Variants in FAT4 observed in about 807,000 individuals in gnomAD.
FAT4 encodes protocadherin Fat 4.
In FAT4, 84 loss-of-function variants were observed where a neutral mutation model predicts 303.9. That is an observed-to-expected ratio of 0.28 (90% confidence interval 0.23 to 0.33). FAT4 has a LOEUF of 0.33. Among genes scored for constraint, FAT4 ranks in the 10% least tolerant of loss-of-function variants. FAT4 has a pLI of 1.00. For synonymous variants in FAT4, 2,307 were observed against 2,298.8 expected (o/e 1.00, Z -0.10); for missense variants, 6,005 against 6,146.8 (o/e 0.98, Z 0.77).
In FAT4 at chr4:125,318,279, A is replaced by G. The variant is rs1314545619; in HGVS notation, c.1868A>G (p.Gln623Arg). 1 of 1,614,202 alleles carries G rather than the reference A, an allele frequency of 6.2e-7. No individual in the cohort carries two copies. The highest frequency in any genetic ancestry group is 1.1e-5 in the South Asian group (1 of 91,080). ...GDNGTVRFSL[Q>R]EAETDRRSFR... ...AACGGAACAGTGCGCTTCTCCTTAC[A>G]AGAGGCAGAGACTGACCGGAGGTCC... Residue 623 changes from glutamine (Q) to arginine (R), a missense_variant, in exon 2 of 18, where the codon CAA (glutamine) becomes CGA (arginine). Coordinates refer to ENST00000394329, the MANE Select transcript of FAT4 (RefSeq NM_001291303.3).
intron 2 of FAT4, among the ~76,000 whole-genome samples, chr4:125,345,299 T>G (rs1459384423): frequency 6.6e-6 from 1 of 152,090 alleles, no homozygotes; most frequent in East Asian, 1.9e-4. Context: ...ACGAAAAATA[T>G]TGGACAATTA....
rs1220275998 is a variant in FAT4, at chr4:125,318,149, C to G, written c.1738C>G (p.Pro580Ala). 1 of 1,614,140 alleles carries G rather than the reference C, an allele frequency of 6.2e-7. No individual in the cohort carries two copies. Among genetic ancestry groups the G allele is most frequent in the Admixed American group, 1.7e-5 (1 of 60,022 alleles). The change falls in exon 2 of 18, where the codon CCA becomes GCA. Residue 580 changes from proline (P) to alanine (A), a missense_variant. Transcript: ENST00000394329. ...VTLLDVNDEK[P>A]VFSQPEGYDV... ...TCTCCTAGATGTGAATGATGAAAAG[C>G]CAGTATTTAGCCAGCCAGAAGGGTA...
At chr4:125,469,047 T>A (rs1237736533) in intron 12 of FAT4, among the ~76,000 whole-genome samples, 1 of 152,236 alleles carries the variant, frequency 6.6e-6, no homozygotes, top group East Asian at 1.9e-4. Flanking sequence ...TTCATTGATA[T>A]TTTTTGTATG....
chr4:125,349,723 T>C (rs1732148202), intron 2 of FAT4, among the ~76,000 whole-genome samples: 3 of 151,730 alleles, frequency 2.0e-5, no homozygotes, highest in African/African-American at 7.2e-5. Flanking sequence ...ATATTGTCAT[T>C]TTGCTTGACA....
chr4:125,323,827 C>T (rs577293894), intron 2 of FAT4, among the ~76,000 whole-genome samples: 2 of 152,148 alleles, frequency 1.3e-5, no homozygotes, highest in Non-Finnish European at 2.9e-5. Context: ...CTTTGTCCAG[C>T]GCATTTTAAA....
Position 125,452,125 on chromosome 4 carries a change from A to T in FAT4, c.11115A>T (p.Gly3705=), listed in dbSNP as rs1214597684. 1.2e-6 allele frequency: 2 copies of T among 1,613,968 alleles called. No homozygotes were observed. The highest frequency in any genetic ancestry group is 2.7e-5 in the African/African-American group (2 of 74,886). ...GCAACATCCGAGTTTTCTTTGCTGG[A>T]TTTTCCAATGCCACAGTGGATAACA... ...VTSNIRVFFA[G]FSNATVDNSI... The change falls in exon 10 of 18, where the codon GGA becomes GGT. Residue 3705 remains glycine, a synonymous_variant. Coordinates refer to ENST00000394329, the MANE Select transcript of FAT4 (RefSeq NM_001291303.3).
chr4:125,318,485 G>C lies in FAT4; in HGVS notation c.2074G>C (p.Val692Leu), dbSNP rs1385531926. 4.3e-6 allele frequency: 7 copies of C among 1,614,120 alleles called. No homozygotes were observed. The highest frequency in any genetic ancestry group is 5.9e-6 in the Non-Finnish European group (7 of 1,180,040). Residue 692 changes from valine to leucine, a missense_variant, in exon 2 of 18, where the codon GTC (valine) becomes CTC (leucine). By Grantham distance (32) the Val-to-Leu change is conservative. Coordinates refer to ENST00000394329, the MANE Select transcript of FAT4 (RefSeq NM_001291303.3). ...TGATAACAGCCCTGTCTTCTACCCG[G>C]TCCAATACTTTGCTCACATTAAGGA... is the stretch of plus-strand genomic sequence containing the variant. The part of the protein sequence containing the change: ...INDNSPVFYP[V>L]QYFAHIKENE...
At chr4:125,447,904 T>C (rs1025758003) in intron 9 of FAT4, among the ~76,000 whole-genome samples, 3 of 152,092 alleles carry the variant, frequency 2.0e-5, no homozygotes, top group Non-Finnish European at 2.9e-5. Flanking sequence ...CATACACATA[T>C]GCACTTTTTT....
In FAT4 at chr4:125,403,197, A is replaced by G. The variant is rs190012667; in HGVS notation, c.5308-3683A>G. 7.2e-5 allele frequency among the ~76,000 whole-genome samples: 11 copies of G among 152,250 alleles called. No individual in the cohort carries two copies. In the East Asian group the frequency reaches 2.1e-3, roughly 29 times the overall value. Reference sequence around the variant, plus strand: ...TTTTAAAATATATGTTCACTAAATTAACCTCCAAAACAATCCTTTTTGGCA... The same window carrying G: ...TTTTAAAATATATGTTCACTAAATTGACCTCCAAAACAATCCTTTTTGGCA... On this transcript the variant is annotated intron_variant, in intron 3 of 17. Coordinates refer to ENST00000394329, the MANE Select transcript of FAT4 (RefSeq NM_001291303.3).
At chr4:125,407,216 C>T in intron 4 of FAT4, 75 bp downstream of exon 4, 1 of 1,339,202 alleles carries the variant, frequency 7.5e-7, no homozygotes, top group East Asian at 2.3e-5. Flanking sequence ...GTTTCGGCTG[C>T]TCTTAATCAA....
chr4:125,447,478 G>T (rs1177786313), intron 9 of FAT4, among the ~76,000 whole-genome samples: 1 of 152,042 alleles, frequency 6.6e-6, no homozygotes, highest in Non-Finnish European at 1.5e-5. Context: ...ACCTGCTAAA[G>T]GTCTTCAGAT....
rs950167036 is a variant in FAT4, at chr4:125,315,733, G to A, written c.-257G>A. Among the ~76,000 whole-genome samples the A allele has an allele frequency of 1.2e-4, 19 of 152,302 alleles. No individual in the cohort carries two copies. Among genetic ancestry groups the A allele is most frequent in the African/African-American group, 4.3e-4 (18 of 41,582 alleles). On this transcript the variant is annotated 5_prime_UTR_variant, in exon 1 of 18. Coordinates refer to ENST00000394329, the MANE Select transcript of FAT4 (RefSeq NM_001291303.3). ...TACGGGAGCCAGAGCGCGAACGCTA[G>A]CGCTTGGAACGCAGTTCCCGAACTG...
At chr4:125,433,022 A>G (rs1468036080) in intron 7 of FAT4, among the ~76,000 whole-genome samples, 1 of 152,162 alleles carries the variant, frequency 6.6e-6, no homozygotes, top group Non-Finnish European at 1.5e-5. Flanking sequence ...TGGTTCCTAT[A>G]CACACATCTG....
intron 12 of FAT4, among the ~76,000 whole-genome samples, 171 bp from the exon 13 acceptor site, chr4:125,476,000 C>A (rs535822743): frequency 6.6e-6 from 1 of 152,146 alleles, no homozygotes; most frequent in Admixed American, 6.5e-5. Flanking sequence ...ATCAAAGAAA[C>A]ATGTGCCCAT....
At position 125,316,628 on chromosome 4, in the gene FAT4, A is replaced by G. The variant is rs771620229; in HGVS notation, c.217A>G (p.Arg73Gly). 5.0e-6 allele frequency: 8 copies of G among 1,613,884 alleles called. No individual in the cohort carries two copies. The highest frequency in any genetic ancestry group is 1.6e-4 in the Middle Eastern group (1 of 6,062). ...TIQTRPGFTYRLSESHALFAI... is the reference protein window; with the variant it reads ...TIQTRPGFTYGLSESHALFAI... Reference sequence around the variant, plus strand: ...CCAGACGCGCCCCGGCTTCACCTACAGGCTCAGCGAAAGCCACGCCCTGTT... The same window carrying G: ...CCAGACGCGCCCCGGCTTCACCTACGGGCTCAGCGAAAGCCACGCCCTGTT... The change falls in exon 2 of 18, where the codon AGG becomes GGG. Residue 73 changes from arginine (R) to glycine (G), a missense_variant. By Grantham distance (125) the Arg-to-Gly change is moderately radical. Coordinates refer to ENST00000394329, the MANE Select transcript of FAT4 (RefSeq NM_001291303.3). This position sits in a 1 kb window ranked among gnomAD's most constrained non-coding sequence, Gnocchi z 5.7.
intron 10 of FAT4, among the ~76,000 whole-genome samples, chr4:125,461,327 A>C (rs1282367155): frequency 4.6e-5 from 7 of 152,118 alleles, no homozygotes; most frequent in African/African-American, 1.7e-4. Flanking sequence ...TTTGTAAATG[A>C]AATTCAAAAA....
In FAT4 at chr4:125,459,601, A is replaced by T. The variant is rs144882287; in HGVS notation, c.11801-3962A>T. Reference sequence around the variant, plus strand: ...GATGGATGTCAAAGCAATGAGATCAATTTATTCTTCTAAACAGCTGCTATG... The same window carrying T: ...GATGGATGTCAAAGCAATGAGATCATTTTATTCTTCTAAACAGCTGCTATG... On this transcript the variant is annotated intron_variant, in intron 10 of 17. Transcript: ENST00000394329. Among the ~76,000 whole-genome samples the T allele has an allele frequency of 1.8e-3, 276 of 152,186 alleles. 1 individual carries two copies. The highest frequency in any genetic ancestry group is 6.5e-3 in the African/African-American group (271 of 41,566).
intron 2 of FAT4, among the ~76,000 whole-genome samples, chr4:125,326,886 A>G (rs935352504): frequency 1.3e-5 from 2 of 152,062 alleles, no homozygotes; most frequent in East Asian, 1.9e-4. Flanking sequence ...TTTGCCGGGC[A>G]TGGTGGTGCA....
chr4:125,460,144 A>C (rs1726432585), intron 10 of FAT4, among the ~76,000 whole-genome samples: 1 of 152,146 alleles, frequency 6.6e-6, no homozygotes. Flanking sequence ...AATTGTAAAA[A>C]ATTTTTACTC....
Sources: allele counts gnomAD v4.1 joint callset (sites outside exome capture counted in the v4.1 genomes callset), GRCh38; gene constraint gnomAD v4.1.1; non-coding constraint Gnocchi (gnomAD v3.1); transcripts MANE v1.5; gene names NCBI Gene and HGNC (gene_info 2026-07-23, HGNC 2026-07-21).